The following CACNB2 variants were observed in gnomAD, a reference collection of about 807,000 sequenced individuals.
CACNB2 encodes calcium voltage-gated channel auxiliary subunit beta 2.
Under a neutral mutation model 73.3 loss-of-function variants are expected in CACNB2, and 42 were observed. The observed-to-expected ratio is 0.57, with a 90% confidence interval of 0.45 to 0.74. The LOEUF (loss-of-function observed/expected upper bound fraction) is 0.74. Ranked by LOEUF, CACNB2 falls within the 30% of genes least tolerant of loss-of-function variation. The pLI, the probability that CACNB2 is intolerant of heterozygous loss-of-function variation, is 0.00. For synonymous variants in CACNB2, 348 were observed against 310.3 expected, an observed-to-expected ratio of 1.12 and a Z score of -1.28; for missense variants, 940 against 853.0, an observed-to-expected ratio of 1.10 and a Z score of -1.27.
intron 2 of CACNB2, among the ~76,000 whole-genome samples, chr10:18,355,340 C>T (rs1016403044): frequency 1.1e-4 from 16 of 151,958 alleles, no homozygotes; most frequent in Non-Finnish European, 1.9e-4. Context: ...CAGGTATAAA[C>T]CTAGGTAGAA....
rs546431865 is a variant in CACNB2, at chr10:18,374,481, A to G, written c.214-27443A>G. Among the ~76,000 whole-genome samples, 13 of 152,340 alleles carry G rather than the reference A, an allele frequency of 8.5e-5. No individual in the cohort carries two copies. In the South Asian group the frequency reaches 1.9e-3, roughly 22 times the overall value. On this transcript the variant is annotated intron_variant, in intron 2 of 13. Coordinates refer to ENST00000324631, the MANE Select transcript of CACNB2 (RefSeq NM_201596.3). ...AGTGGCTCATGCCTATAATCCCAGC[A>G]CTTTGGGAGGCTGAGGCAGGAGGAT...
chr10:18,402,173 C>CA, intron 3 of CACNB2, 130 bp downstream of exon 3: 1 of 1,025,678 alleles, frequency 9.7e-7, no homozygotes. Flanking sequence ...TAGAAAGGTA[C>CA]AAAAAATGGA....
At chr10:18,144,865 A>G (rs536233803) in intron 1 of CACNB2, among the ~76,000 whole-genome samples, 2 of 152,182 alleles carry the variant, frequency 1.3e-5, no homozygotes, top group Non-Finnish European at 2.9e-5. Context: ...GCCATATGAC[A>G]TTTCTATTGG....
intron 2 of CACNB2, among the ~76,000 whole-genome samples, chr10:18,264,271 A>G (rs1156808791): frequency 6.6e-6 from 1 of 152,234 alleles, no homozygotes; most frequent in Non-Finnish European, 1.5e-5. Flanking sequence ...TAATCTCATC[A>G]TGGAAAATTG....
intron 10 of CACNB2, among the ~76,000 whole-genome samples, chr10:18,531,206 T>C (rs943861873): frequency 2.6e-5 from 4 of 152,230 alleles, no homozygotes; most frequent in Non-Finnish European, 5.9e-5. Flanking sequence ...TATTACAGTA[T>C]TTTTTGTTTG....
At chr10:18,397,720 CAAAAAA>C (rs10581390) in intron 2 of CACNB2, among the ~76,000 whole-genome samples, 3 of 91,732 alleles carry the variant, frequency 3.3e-5, no homozygotes, top group African/African-American at 4.4e-5. Context: ...GACTCCGTCT[CAAAAAA>C]AAAAAAAAAA....
chr10:18,477,034 T>A (rs2048476927), intron 3 of CACNB2, among the ~76,000 whole-genome samples: 2 of 147,902 alleles, frequency 1.4e-5, no homozygotes, highest in South Asian at 4.3e-4. Flanking sequence ...AAAAAAAAAA[T>A]ACAGTTCTCA....
chr10:18,373,607 G>C (rs1007254013), intron 2 of CACNB2, among the ~76,000 whole-genome samples: 4 of 152,150 alleles, frequency 2.6e-5, no homozygotes, highest in Non-Finnish European at 5.9e-5. Flanking sequence ...CAAAATCCAA[G>C]CCTCTTCATT....
At chr10:18,149,096 C>T (rs1482227747) in intron 1 of CACNB2, among the ~76,000 whole-genome samples, 3 of 151,180 alleles carry the variant, frequency 2.0e-5, no homozygotes, top group South Asian at 2.1e-4. Context: ...GTGAATTTAA[C>T]AAAGATTGTC....
At chr10:18,522,675 C>A (rs914036769) in intron 9 of CACNB2, among the ~76,000 whole-genome samples, 1 of 151,820 alleles carries the variant, frequency 6.6e-6, no homozygotes, top group Non-Finnish European at 1.5e-5. Flanking sequence ...GTCAAGTGTT[C>A]GAGACCGGCT....
chr10:18,427,417 A>G (rs10764483), intron 3 of CACNB2, among the ~76,000 whole-genome samples: 133,913 of 152,036 alleles, frequency 0.88, 59,209 homozygotes, highest in East Asian at 0.96. Context: ...ATGTATAATC[A>G]TGAGGGAAAC....
intron 3 of CACNB2, among the ~76,000 whole-genome samples, chr10:18,481,230 A>ATTTTTT (rs1183940542): frequency 5.6e-5 from 1 of 17,986 alleles, no homozygotes; most frequent in Non-Finnish European, 9.4e-5. Flanking sequence ...ATATATATAT[A>ATTTTTT]TTTTTTTTTT....
rs1346124194 is a variant in CACNB2 at position 18,303,725 on chromosome 10, CT to C, written c.214-98197del. Among the ~76,000 whole-genome samples the C allele has an allele frequency of 3.9e-5, 6 of 152,242 alleles. No individual in the cohort carries two copies. The East Asian group carries it at 9.7e-4, about 25-fold the overall frequency. On this transcript the variant is annotated intron_variant, in intron 2 of 13. Transcript: ENST00000324631. Reference sequence around the variant, plus strand: ...GCAACACCTGTTAAGGCAGGCTGTCCTTGGGGGTGCGTGTCCAGCGCTGCCC... The same window carrying C: ...GCAACACCTGTTAAGGCAGGCTGTCCTGGGGGTGCGTGTCCAGCGCTGCCC...
At chr10:18,417,736 G>A (rs986636657) in intron 3 of CACNB2, among the ~76,000 whole-genome samples, 1 of 152,058 alleles carries the variant, frequency 6.6e-6, no homozygotes, top group African/African-American at 2.4e-5. Flanking sequence ...CAAATGGAAC[G>A]TACTTAATAC....
chr10:18,436,093 C>T (rs1014538024), intron 3 of CACNB2, among the ~76,000 whole-genome samples: 6 of 152,184 alleles, frequency 3.9e-5, no homozygotes, highest in Non-Finnish European at 5.9e-5. Flanking sequence ...ATTCCACCTT[C>T]TATGAGGAAT....
intron 10 of CACNB2, among the ~76,000 whole-genome samples, chr10:18,530,063 T>C (rs2052844873): frequency 6.6e-6 from 1 of 152,140 alleles, no homozygotes; most frequent in Admixed American, 6.5e-5. Flanking sequence ...ATGAGACTCA[T>C]TCACTATCAG....
intron 3 of CACNB2, among the ~76,000 whole-genome samples, chr10:18,404,110 T>C (rs2044155789): frequency 6.6e-6 from 1 of 152,176 alleles, no homozygotes; most frequent in Admixed American, 6.5e-5. Flanking sequence ...TACACATCTA[T>C]GTACCCATAA....
chr10:18,323,881 T>C (rs1010150668), intron 2 of CACNB2, among the ~76,000 whole-genome samples: 6 of 152,254 alleles, frequency 3.9e-5, no homozygotes, highest in Admixed American at 6.5e-5. Flanking sequence ...TTACACTTCT[T>C]TGAACACATT....
chr10:18,389,243 C>T (rs1231399890), intron 2 of CACNB2, among the ~76,000 whole-genome samples: 1 of 152,164 alleles, frequency 6.6e-6, no homozygotes, highest in African/African-American at 2.4e-5. Flanking sequence ...CTCAGGCAGT[C>T]CTCCTGCCTC....
Sources: allele counts gnomAD v4.1 joint callset (sites outside exome capture counted in the v4.1 genomes callset), GRCh38; gene constraint gnomAD v4.1.1; transcripts MANE v1.5; gene names NCBI Gene and HGNC (gene_info 2026-07-23, HGNC 2026-07-21).